UGT1A9: variants seen among roughly 807,000 people sequenced by gnomAD.
UGT1A9 encodes the protein UDP glucuronosyltransferase family 1 member A9, also known as UDP-glucuronosyltransferase 1A9.
A neutral mutation model predicts 45.0 loss-of-function variants in UGT1A9; 35 were observed. That is an observed-to-expected ratio of 0.78 (90% confidence interval 0.59 to 1.03). UGT1A9 has a LOEUF of 1.03. Among genes scored for constraint, UGT1A9 ranks in the 50% least tolerant of loss-of-function variants. UGT1A9 has a pLI of 0.00. For missense variants in UGT1A9, 687 were observed against 666.6 expected (o/e 1.03, Z -0.34); for synonymous variants, 278 against 250.6 (o/e 1.11, Z -1.03).
chr2:233,697,477 C>T (rs966758556), intron 1 of UGT1A9, among the ~76,000 whole-genome samples: 1 of 149,952 alleles, frequency 6.7e-6, no homozygotes, highest in Non-Finnish European at 1.5e-5. Flanking sequence ...CTTAGTCTAG[C>T]TCAAGGTTTG....
chr2:233,732,017 G>A (rs1379016556), intron 1 of UGT1A9, among the ~76,000 whole-genome samples: 2 of 152,178 alleles, frequency 1.3e-5, no homozygotes. Flanking sequence ...GTTTTGATTT[G>A]CATTTCTCTG....
chr2:233,758,000 G>A (rs956611939), intron 1 of UGT1A9, among the ~76,000 whole-genome samples: 37 of 152,052 alleles, frequency 2.4e-4, no homozygotes, highest in Admixed American at 5.2e-4. Context: ...GTAATTGCCT[G>A]GTCATGAGTT....
intron 1 of UGT1A9, among the ~76,000 whole-genome samples, chr2:233,716,889 C>A (rs991395363): frequency 6.6e-6 from 1 of 152,030 alleles, no homozygotes; most frequent in Non-Finnish European, 1.5e-5. Flanking sequence ...CAGCCCAGAC[C>A]CCTCCTCATC....
At chr2:233,747,795 CCTAAGTTA>C (rs2125887995) in intron 1 of UGT1A9, 1 of 1,613,516 alleles carries the variant, frequency 6.2e-7, no homozygotes, top group South Asian at 1.1e-5. Context: ...CTCCTATATT[CCTAAGTTA>C]CTAACGACCA....
At chr2:233,734,972 G>C (rs1474652770) in intron 1 of UGT1A9, among the ~76,000 whole-genome samples, 2 of 152,238 alleles carry the variant, frequency 1.3e-5, no homozygotes, top group East Asian at 1.9e-4. Context: ...ATGTGGTGCT[G>C]AGAAGAATGT....
At chr2:233,730,685 C>T (rs917184684) in intron 1 of UGT1A9, among the ~76,000 whole-genome samples, 1 of 152,042 alleles carries the variant, frequency 6.6e-6, no homozygotes, top group Admixed American at 6.6e-5. Flanking sequence ...GGTTGCATCT[C>T]AAATGATTCT....
chr2:233,756,324 A>G lies in UGT1A9; in HGVS notation c.856-10710A>G, dbSNP rs548800161. On this transcript the variant is annotated intron_variant, in intron 1 of 4. Coordinates refer to ENST00000354728, the MANE Select transcript of UGT1A9 (RefSeq NM_021027.3). The stretch of plus-strand genomic sequence containing the variant: ...ATAACCTACCCATATCCTCCTTTAA[A>G]CCTCTAGTCATCTCTTGATTACTTT... 5.1e-4 allele frequency: 77 copies of G among 152,086 alleles called. 1 individual carries two copies. Among genetic ancestry groups the G allele is most frequent in the Middle Eastern group, 3.4e-3 (1 of 294 alleles). 9.4% of individuals were successfully genotyped at this position (152,086 alleles called of 1,614,324 possible).
At chr2:233,772,229 T>C in intron 4 of UGT1A9, 33 bp from the exon 5 acceptor site, 1 of 1,613,724 alleles carries the variant, frequency 6.2e-7, no homozygotes, top group Non-Finnish European at 8.5e-7. Context: ...ACCACAGGTG[T>C]TCCAGGCATA....
At chr2:233,673,073 A>C (rs1319361488) in intron 1 of UGT1A9, among the ~76,000 whole-genome samples, 10 of 152,204 alleles carry the variant, frequency 6.6e-5, no homozygotes, top group Non-Finnish European at 1.5e-4. Context: ...GTAAGAAATG[A>C]AACTTCCCTT....
At chr2:233,747,772 G>T in intron 1 of UGT1A9, 1 of 1,613,482 alleles carries the variant, frequency 6.2e-7, no homozygotes, top group Non-Finnish European at 8.5e-7. Flanking sequence ...GGCACACAGT[G>T]TCCAAATCCT....
intron 1 of UGT1A9, chr2:233,760,342 G>C (rs2125982896): frequency 6.2e-7 from 1 of 1,614,102 alleles, no homozygotes; most frequent in East Asian, 2.2e-5. Flanking sequence ...GCTGCTGTGT[G>C]TGCTGGGCCC....
intron 1 of UGT1A9, among the ~76,000 whole-genome samples, chr2:233,742,513 G>C (rs934347498): frequency 6.6e-6 from 1 of 151,822 alleles, no homozygotes; most frequent in Non-Finnish European, 1.5e-5. Context: ...TCATGAACAC[G>C]TCACAGTGCT....
At chr2:233,681,934 T>A in intron 1 of UGT1A9, 1 of 1,611,342 alleles carries the variant, frequency 6.2e-7, no homozygotes. Flanking sequence ...GCTGAAGTTC[T>A]CTGATGGCTC....
At chr2:233,704,879 A>G (rs1317470741) in intron 1 of UGT1A9, among the ~76,000 whole-genome samples, 2 of 152,172 alleles carry the variant, frequency 1.3e-5, no homozygotes, top group African/African-American at 4.8e-5. Context: ...CACTCCTGTA[A>G]TCCCAGCACT....
intron 1 of UGT1A9, 110 bp from the exon 2 acceptor site, chr2:233,766,924 A>G (rs985684086): frequency 6.4e-7 from 1 of 1,565,332 alleles, no homozygotes; most frequent in Admixed American, 1.9e-5. Flanking sequence ...TCAAACACGC[A>G]TGCCTTTAAT....
intron 1 of UGT1A9, among the ~76,000 whole-genome samples, chr2:233,720,871 ATTTTTT>A (rs60621337): frequency 7.5e-6 from 1 of 132,772 alleles, no homozygotes; most frequent in African/African-American, 2.9e-5. Flanking sequence ...GCTCCTGGCA[ATTTTTT>A]TTTTTTTTTT....
rs917242803 is a variant in UGT1A9, at chr2:233,724,807, C to G, written c.856-42227C>G. On this transcript the variant is annotated intron_variant, in intron 1 of 4. Transcript: ENST00000354728. ...CTTCCCAGACGGGGTGGCGGCCGGG[C>G]AGAGGCTGCAATCTCGGCACTTTGG... 5.9e-4 allele frequency among the ~76,000 whole-genome samples: 82 copies of G among 138,372 alleles called. 2 individuals carry two copies. The highest frequency in any genetic ancestry group is 1.0e-3 in the Non-Finnish European group (67 of 64,874). 90.8% of individuals were successfully genotyped at this position (138,372 alleles called of 152,430 possible). A position where few individuals can be genotyped will look rare whatever the true frequency, so the allele number is the denominator to read the frequency against.
chr2:233,709,565 T>G (rs2076082358), intron 1 of UGT1A9, among the ~76,000 whole-genome samples: 1 of 152,156 alleles, frequency 6.6e-6, no homozygotes, highest in Non-Finnish European at 1.5e-5. Flanking sequence ...AAATTTAAAC[T>G]TAAAATTCAA....
At chr2:233,738,225 T>C (rs1690730877) in intron 1 of UGT1A9, among the ~76,000 whole-genome samples, 1 of 152,022 alleles carries the variant, frequency 6.6e-6, no homozygotes, top group South Asian at 2.1e-4. Context: ...ATAAGTTTCC[T>C]GAGGCCCCTC....
Sources: allele counts gnomAD v4.1 joint callset (sites outside exome capture counted in the v4.1 genomes callset), GRCh38; gene constraint gnomAD v4.1.1; transcripts MANE v1.5; gene names NCBI Gene and HGNC (gene_info 2026-07-23, HGNC 2026-07-21).